The following TRPV2 variants were observed in gnomAD, a reference collection of about 807,000 sequenced individuals.
TRPV2 encodes the protein OTRPC2.
Under a neutral mutation model 91.0 loss-of-function variants are expected in TRPV2, and 58 were observed. The observed-to-expected ratio is 0.64, with a 90% confidence interval of 0.52 to 0.79. The LOEUF is 0.79. Among genes scored for constraint, TRPV2 ranks in the 30% least tolerant of loss-of-function variants. The probability of loss-of-function intolerance (pLI) is 0.00; values close to 1 mark genes in which losing one functional copy is unlikely to be tolerated. For synonymous variants in TRPV2, 417 were observed against 414.8 expected, an observed-to-expected ratio of 1.01 and a Z score of -0.06; for missense variants, 807 against 969.6, an observed-to-expected ratio of 0.83 and a Z score of 2.23.
chr17:16,420,378 G>C (rs2093351204), intron 3 of TRPV2, 130 bp downstream of exon 3: 7 of 1,186,482 alleles, frequency 5.9e-6, no homozygotes, highest in South Asian at 1.6e-5. Context: ...TGGAAGGATG[G>C]CTGGGGGGCC....
chr17:16,426,085 T>C lies in TRPV2; in HGVS notation c.925-14T>C, dbSNP rs756380529. 1 of 1,614,082 alleles carries C rather than the reference T, an allele frequency of 6.2e-7. No homozygotes were observed. The highest frequency in any genetic ancestry group is 8.5e-7 in the Non-Finnish European group (1 of 1,179,952). ...AAGGGACCATGAATGCAAGCTCATATGGCCACCCTGCAGATTTTCAGGCAC... is the reference window on the plus strand; with the variant it reads ...AAGGGACCATGAATGCAAGCTCATACGGCCACCCTGCAGATTTTCAGGCAC... On this transcript the variant is annotated splice_polypyrimidine_tract_variant and intron_variant, in intron 5 of 14. Transcript: ENST00000338560. The surrounding 1 kb of genome is among the most constrained non-coding windows in gnomAD (Gnocchi z 6.0).
chr17:16,432,322 GC>G (rs2093417086), intron 12 of TRPV2, 22 bp downstream of exon 12: 2 of 1,582,620 alleles, frequency 1.3e-6, no homozygotes, highest in Admixed American at 1.7e-5. Flanking sequence ...GAGGCTCCCT[GC>G]CCCCACCCCA....
intron 4 of TRPV2, among the ~76,000 whole-genome samples, chr17:16,423,177 C>T (rs2093366447): frequency 6.6e-6 from 1 of 152,244 alleles, no homozygotes; most frequent in South Asian, 2.1e-4. Flanking sequence ...TCATCCTCGT[C>T]TGGCCAGAAG....
chr17:16,427,051 C>T (rs1053578692), intron 7 of TRPV2, among the ~76,000 whole-genome samples, 174 bp downstream of exon 7: 3 of 152,144 alleles, frequency 2.0e-5, no homozygotes, highest in African/African-American at 4.8e-5. Context: ...TTGCTGAGTG[C>T]TCACTGTATG....
intron 5 of TRPV2, among the ~76,000 whole-genome samples, chr17:16,425,024 T>C (rs1289469536): frequency 7.9e-6 from 1 of 126,256 alleles, no homozygotes; most frequent in African/African-American, 4.3e-5. Context: ...GCAGCTGCAT[T>C]TTTTTTTTTT....
chr17:16,432,136 G>A lies in TRPV2; in HGVS notation c.1825G>A (p.Glu609Lys), dbSNP rs2093416097. 1 of 1,614,260 alleles carries A rather than the reference G, an allele frequency of 6.2e-7. No individual in the cohort carries two copies. The highest frequency in any genetic ancestry group is 8.5e-7 in the Non-Finnish European group (1 of 1,180,052). Reference protein sequence around the residue: ...ELFKFTIGMGELAFQEQLHFR... With the variant: ...ELFKFTIGMGKLAFQEQLHFR... ...CTTCAAATTCACCATCGGCATGGGC[G>A]AGCTGGCCTTCCAGGAGCAGCTGCA... Residue 609 changes from glutamate (E) to lysine (K), a missense_variant, in exon 12 of 15, where the codon GAG becomes AAG. Transcript: ENST00000338560.
intron 14 of TRPV2, among the ~76,000 whole-genome samples, 160 bp from the exon 15 acceptor site, chr17:16,436,629 G>A (rs1244255345): frequency 2.0e-5 from 3 of 152,176 alleles, no homozygotes; most frequent in African/African-American, 7.2e-5. Context: ...AAATGCTTGT[G>A]GAGTGAGGGA....
At chr17:16,419,690 T>A (rs1461918556) in intron 2 of TRPV2, among the ~76,000 whole-genome samples, 1 of 152,222 alleles carries the variant, frequency 6.6e-6, no homozygotes. Flanking sequence ...AAGGCAGTGA[T>A]GCATGCAGCC....
At position 16,428,299 on chromosome 17, in the gene TRPV2, T is replaced by C; in HGVS notation, c.1351-18T>C. On this transcript the variant is annotated intron_variant, in intron 8 of 14. Transcript: ENST00000338560. ...GGAGAGCAGGTTTCACAGCCCTCTG[T>C]CCTCCCTTCCTCCGCAGCTGTGGTA... The C allele has an allele frequency of 6.2e-7, 1 of 1,613,778 alleles. No homozygotes were observed. The highest frequency in any genetic ancestry group is 8.5e-7 in the Non-Finnish European group (1 of 1,179,700).
chr17:16,422,336 A>G (rs939256517), intron 3 of TRPV2, among the ~76,000 whole-genome samples: 1 of 148,772 alleles, frequency 6.7e-6, no homozygotes, highest in Admixed American at 6.7e-5. Flanking sequence ...AAAAAAAAAA[A>G]AAGAAAAGAA....
intron 2 of TRPV2, chr17:16,419,213 G>T: frequency 2.4e-6 from 1 of 409,906 alleles, no homozygotes. Flanking sequence ...AGGCAAGTTG[G>T]CCCCTGTGAT....
chr17:16,417,845 C>T lies in TRPV2; in HGVS notation c.177C>T (p.Asn59=), dbSNP rs1170109139. ...CCCCTCAGATAAGAGTCAACCTCAA[C>T]TACCGAAAGGGAACAGGTGCCAGGT... ...KFAPQIRVNL[N]YRKGTGASQP... Residue 59 remains asparagine (N), a synonymous_variant, in exon 2 of 15, where the codon AAC becomes AAT. Transcript: ENST00000338560. 2 of 1,614,006 alleles carry T rather than the reference C, an allele frequency of 1.2e-6. No individual in the cohort carries two copies. The highest frequency in any genetic ancestry group is 1.3e-5 in the African/African-American group (1 of 74,928).
intron 12 of TRPV2, 126 bp downstream of exon 12, chr17:16,432,426 A>G: frequency 1.4e-6 from 1 of 732,844 alleles, no homozygotes; most frequent in Non-Finnish European, 2.1e-6. Flanking sequence ...CTACCTTGTC[A>G]GTCTTCCTCT....
chr17:16,428,072 C>T (rs538629016), intron 8 of TRPV2, among the ~76,000 whole-genome samples: 1 of 152,292 alleles, frequency 6.6e-6, no homozygotes, highest in Admixed American at 6.5e-5. Context: ...GGGAAAGGTG[C>T]TCTTCCCCTT....
At chr17:16,423,866 G>A in intron 5 of TRPV2, 99 bp downstream of exon 5, 1 of 1,232,416 alleles carries the variant, frequency 8.1e-7, no homozygotes, top group Non-Finnish European at 1.1e-6. Flanking sequence ...GAAGAGCAGT[G>A]GCTTCTCTGC....
rs5819571 is a variant in TRPV2 at position 16,432,439 on chromosome 17, CTT to C, written c.1989+154_1989+155del. On this transcript the variant is annotated intron_variant, in intron 12 of 14. Coordinates refer to ENST00000338560, the MANE Select transcript of TRPV2 (RefSeq NM_016113.5). ...CTCTACCTTGTCAGTCTTCCTCTTC[CTT>C]TTTTTTTTTTTTTTCTGGAGACAAG... 3.1e-3 allele frequency: 1,649 copies of C among 532,996 alleles called. 5 individuals carry two copies. Among genetic ancestry groups the C allele is most frequent in the African/African-American group, 0.013 (596 of 47,534 alleles). The allele number at this position is 532,996 out of a possible 1,614,324, so 33.0% of individuals were successfully genotyped here. A position where few individuals can be genotyped will look rare whatever the true frequency, so the allele number is the denominator to read the frequency against.
intron 3 of TRPV2, among the ~76,000 whole-genome samples, chr17:16,421,864 T>C (rs549927472): frequency 5.3e-4 from 80 of 151,802 alleles, no homozygotes; most frequent in African/African-American, 1.9e-3. Flanking sequence ...AACATTCCCA[T>C]TTTACAGTAA....
intron 9 of TRPV2, 23 bp from the exon 10 acceptor site, chr17:16,428,794 A>T (rs1400712585): frequency 6.2e-7 from 1 of 1,612,224 alleles, no homozygotes; most frequent in Non-Finnish European, 8.5e-7. Flanking sequence ...CCGCAAGCCC[A>T]CCTGGATTCT....
At position 16,436,995 on chromosome 17, in the gene TRPV2, A is replaced by C. The variant is rs1292568306; in HGVS notation, c.*106A>C. On this transcript the variant is annotated 3_prime_UTR_variant, in exon 15 of 15. Transcript: ENST00000338560. ...ATTCTGGTGGCAAATATATATTTTC[A>C]CTAACTAACTCTTCTGGAAACATTA... 8.0e-6 allele frequency: 7 copies of C among 870,060 alleles called. No homozygotes were observed. Among genetic ancestry groups the C allele is most frequent in the Non-Finnish European group, 9.3e-6 (5 of 538,512 alleles). The allele number at this position is 870,060 out of a possible 1,614,324, so 53.9% of individuals were successfully genotyped here.
Sources: gnomAD v4.1 joint callset for allele counts (sites outside exome capture counted in the v4.1 genomes callset) on GRCh38, gnomAD v4.1.1 for gene constraint, Gnocchi (gnomAD v3.1) non-coding constraint, MANE v1.5 for transcripts, NCBI Gene and HGNC (gene_info 2026-07-23, HGNC 2026-07-21) for gene names.